Variants in CLSTN2 observed in about 807,000 individuals in gnomAD.
CLSTN2 encodes the protein calsyntenin-2.
In CLSTN2, 48 loss-of-function variants were observed where a neutral mutation model predicts 101.2. The ratio of observed to expected loss-of-function variants is 0.47; its 90% CI spans 0.38 to 0.60. The LOEUF is 0.60. Ranked by LOEUF, CLSTN2 falls within the 20% of genes least tolerant of loss-of-function variation. CLSTN2 has a pLI of 0.00. For synonymous variants in CLSTN2, 481 were observed against 463.6 expected (o/e 1.04, Z -0.48); for missense variants, 1,160 against 1,238.2 (o/e 0.94, Z 0.95).
chr3:140,265,646 G>A (rs1406503317), intron 2 of CLSTN2, among the ~76,000 whole-genome samples: 2 of 152,176 alleles, frequency 1.3e-5, no homozygotes, highest in Admixed American at 6.5e-5. Flanking sequence ...CTGTTGATAT[G>A]AAATAAAAGC....
At chr3:140,442,258 T>G (rs1032491590) in intron 5 of CLSTN2, among the ~76,000 whole-genome samples, 1 of 152,148 alleles carries the variant, frequency 6.6e-6, no homozygotes, top group African/African-American at 2.4e-5. Context: ...CACCCCTTTT[T>G]GGGGCTTTTA....
chr3:140,088,198 G>A (rs2008711537), intron 1 of CLSTN2, among the ~76,000 whole-genome samples: 1 of 152,156 alleles, frequency 6.6e-6, no homozygotes, highest in African/African-American at 2.4e-5. Context: ...TGTTATCACA[G>A]AAGAGATGGT....
chr3:140,002,660 C>A (rs1366634188), intron 1 of CLSTN2, among the ~76,000 whole-genome samples: 1 of 152,060 alleles, frequency 6.6e-6, no homozygotes, highest in Non-Finnish European at 1.5e-5. Flanking sequence ...GAGAGTTTCC[C>A]CAACGTTTTC....
chr3:140,319,980 C>G (rs978826983), intron 2 of CLSTN2, among the ~76,000 whole-genome samples: 2 of 152,224 alleles, frequency 1.3e-5, no homozygotes, highest in Non-Finnish European at 2.9e-5. Context: ...TCTCTGAACA[C>G]TGTATTCCAG....
chr3:140,100,165 C>T (rs2008941807), intron 1 of CLSTN2, among the ~76,000 whole-genome samples: 1 of 144,658 alleles, frequency 6.9e-6, no homozygotes, highest in African/African-American at 2.5e-5. Flanking sequence ...TTTTTTTGAA[C>T]CATGCAACTT....
At chr3:140,418,517 C>T (rs149413803) in intron 4 of CLSTN2, among the ~76,000 whole-genome samples, 5,581 of 40,680 alleles carry the variant, frequency 0.14, 196 homozygotes, top group African/African-American at 0.24. Context: ...TTCTTTCTTT[C>T]TTTTTTTTTT....
chr3:140,458,016 C>A (rs1032522558), intron 6 of CLSTN2, among the ~76,000 whole-genome samples: 8 of 152,158 alleles, frequency 5.3e-5, no homozygotes, highest in Non-Finnish European at 7.4e-5. Flanking sequence ...CATAGCATAA[C>A]CTTCTATTGC....
At chr3:140,166,742 T>A (rs1009063579) in intron 1 of CLSTN2, among the ~76,000 whole-genome samples, 3 of 152,174 alleles carry the variant, frequency 2.0e-5, no homozygotes, top group Non-Finnish European at 2.9e-5. Flanking sequence ...CACTGGTGTT[T>A]CCTCTGCATG....
chr3:140,326,429 T>A (rs542915983), intron 2 of CLSTN2, among the ~76,000 whole-genome samples: 1 of 152,308 alleles, frequency 6.6e-6, no homozygotes, highest in South Asian at 2.1e-4. Context: ...GTTGTTGCAG[T>A]CATCTGAAGT....
intron 2 of CLSTN2, among the ~76,000 whole-genome samples, chr3:140,231,736 A>G (rs1463587416): frequency 6.6e-6 from 1 of 152,218 alleles, no homozygotes; most frequent in Non-Finnish European, 1.5e-5. Flanking sequence ...TGAGTAGGAA[A>G]TGTGATGTTT....
intron 2 of CLSTN2, among the ~76,000 whole-genome samples, chr3:140,227,061 A>G (rs148936921): frequency 1.6e-3 from 241 of 152,272 alleles, no homozygotes; most frequent in African/African-American, 4.7e-3. Context: ...TCACATTTCA[A>G]AACCAATCAT....
chr3:140,449,548 C>A (rs1301017788), intron 6 of CLSTN2: 1 of 152,150 alleles, frequency 6.6e-6, no homozygotes, highest in South Asian at 2.1e-4. Flanking sequence ...GGGTGGTGAA[C>A]CTCCTGGAAT....
intron 1 of CLSTN2, among the ~76,000 whole-genome samples, chr3:140,015,558 A>G (rs1039725231): frequency 2.6e-5 from 4 of 152,202 alleles, no homozygotes; most frequent in African/African-American, 9.7e-5. Context: ...AAAAGCAAGA[A>G]GGACTGCAAG....
At chr3:140,176,381 AG>A (rs1365870099) in intron 2 of CLSTN2, among the ~76,000 whole-genome samples, 1 of 152,198 alleles carries the variant, frequency 6.6e-6, no homozygotes, top group African/African-American at 2.4e-5. Context: ...TAAGGTTCTT[AG>A]GGGAATTTTA....
chr3:140,294,564 CTT>C (rs768868571), intron 2 of CLSTN2, among the ~76,000 whole-genome samples: 78 of 140,710 alleles, frequency 5.5e-4, no homozygotes, highest in Admixed American at 5.0e-4. Flanking sequence ...TCCCCAATGT[CTT>C]TTTTTTTTTT....
intron 2 of CLSTN2, among the ~76,000 whole-genome samples, chr3:140,299,599 A>G (rs1360863650): frequency 6.6e-6 from 1 of 152,036 alleles, no homozygotes; most frequent in African/African-American, 2.4e-5. Context: ...GAAGCCCTTA[A>G]TTGTCTTCTC....
chr3:140,198,941 C>G (rs549706199), intron 2 of CLSTN2, among the ~76,000 whole-genome samples: 2 of 152,154 alleles, frequency 1.3e-5, no homozygotes, highest in East Asian at 1.9e-4. Context: ...CTCTAGTTTA[C>G]CTGCCTGGCT....
chr3:140,467,151 T>C (rs1933728216), intron 8 of CLSTN2, among the ~76,000 whole-genome samples: 1 of 152,204 alleles, frequency 6.6e-6, no homozygotes, highest in African/African-American at 2.4e-5. Flanking sequence ...ACTTGAGGGC[T>C]TTGAAGTAAG....
chr3:140,430,385 G>C (rs2088615720), intron 5 of CLSTN2, among the ~76,000 whole-genome samples: 1 of 151,992 alleles, frequency 6.6e-6, no homozygotes, highest in South Asian at 2.1e-4. Flanking sequence ...ACTAAGAGAT[G>C]GTTTTTACAT....
Sources: gnomAD v4.1 joint callset for allele counts (sites outside exome capture counted in the v4.1 genomes callset) on GRCh38, gnomAD v4.1.1 for gene constraint, MANE v1.5 for transcripts, NCBI Gene and HGNC (gene_info 2026-07-23, HGNC 2026-07-21) for gene names.